Variants in CDH4 observed in about 807,000 individuals in gnomAD.
CDH4 encodes the protein cadherin-4.
In CDH4, 33 loss-of-function variants were observed where a neutral mutation model predicts 86.0. The observed-to-expected ratio is 0.38, with a 90% CI of 0.29 to 0.51. The LOEUF (loss-of-function observed/expected upper bound fraction) is 0.51. Among genes scored for constraint, CDH4 ranks in the 20% least tolerant of loss-of-function variants. CDH4 has a pLI of 0.86. For synonymous variants in CDH4, 555 were observed against 549.4 expected (o/e 1.01, Z -0.14); for missense variants, 1,114 against 1,307.4 (o/e 0.85, Z 2.28).
At chr20:61,396,009 T>G (rs1230699213) in intron 2 of CDH4, among the ~76,000 whole-genome samples, 1 of 152,172 alleles carries the variant, frequency 6.6e-6, no homozygotes, top group Non-Finnish European at 1.5e-5. Flanking sequence ...ACAGATAGCT[T>G]GGATTAGGAC....
At position 61,632,269 on chromosome 20, in the gene CDH4, CAG is replaced by C. The variant is rs537616459; in HGVS notation, c.170-111292_170-111291del. ...GGGATGGGGCTTGTTTGCTTGAAAACAGAAATTCAGTTGGAGGCCTTGCCCTG... is the reference window on the plus strand; with the variant it reads ...GGGATGGGGCTTGTTTGCTTGAAAACAAATTCAGTTGGAGGCCTTGCCCTG... On this transcript the variant is annotated intron_variant, in intron 2 of 15. Coordinates refer to ENST00000614565, the MANE Select transcript of CDH4 (RefSeq NM_001794.5). Among the ~76,000 whole-genome samples, 259 of 152,282 alleles carry C rather than the reference CAG, an allele frequency of 1.7e-3. 1 individual carries two copies. Among genetic ancestry groups the C allele is most frequent in the African/African-American group, 6.0e-3 (249 of 41,536 alleles).
At chr20:61,452,553 T>C (rs958155435) in intron 2 of CDH4, among the ~76,000 whole-genome samples, 4 of 152,226 alleles carry the variant, frequency 2.6e-5, no homozygotes, top group African/African-American at 9.6e-5. Flanking sequence ...ATTTCAAAGG[T>C]AGAGATGGTT....
At chr20:61,505,738 T>C (rs2085735792) in intron 2 of CDH4, among the ~76,000 whole-genome samples, 1 of 151,346 alleles carries the variant, frequency 6.6e-6, no homozygotes, top group African/African-American at 2.4e-5. Context: ...GAAAAAAGAA[T>C]TGGCACATGA....
intron 2 of CDH4, among the ~76,000 whole-genome samples, chr20:61,522,117 G>A (rs1050751375): frequency 2.0e-5 from 3 of 152,218 alleles, no homozygotes; most frequent in Non-Finnish European, 4.4e-5. Context: ...GGCCTCCCTC[G>A]TGACAGTGGC....
At chr20:61,766,839 T>C (rs1286748782) in intron 3 of CDH4, among the ~76,000 whole-genome samples, 5 of 152,328 alleles carry the variant, frequency 3.3e-5, no homozygotes, top group African/African-American at 9.6e-5. Flanking sequence ...CTGACCGAGA[T>C]ATAATACCCA....
rs1322628640 is a variant in CDH4, at chr20:61,676,078, G to A, written c.170-67485G>A. Among the ~76,000 whole-genome samples, 1 of 152,190 alleles carries A rather than the reference G, an allele frequency of 6.6e-6. No homozygotes were observed. On this transcript the variant is annotated intron_variant, in intron 2 of 15. Coordinates refer to ENST00000614565, the MANE Select transcript of CDH4 (RefSeq NM_001794.5). This position sits in a 1 kb window ranked among gnomAD's most constrained non-coding sequence, Gnocchi z 4.5. ...ATAATGTAATTGGGCAGTCGGTGGGGGGAGCCTCAGCGAGGACCGAGTGTG... is the reference window on the plus strand; with the variant it reads ...ATAATGTAATTGGGCAGTCGGTGGGAGGAGCCTCAGCGAGGACCGAGTGTG...
chr20:61,803,914 C>T (rs1183067637), intron 4 of CDH4, among the ~76,000 whole-genome samples: 3 of 152,252 alleles, frequency 2.0e-5, no homozygotes, highest in Non-Finnish European at 2.9e-5. Context: ...GCCCCCGCTG[C>T]GTCTGCTTCC....
At chr20:61,757,905 G>A (rs1031159787) in intron 3 of CDH4, among the ~76,000 whole-genome samples, 3 of 152,176 alleles carry the variant, frequency 2.0e-5, no homozygotes, top group African/African-American at 7.2e-5. Flanking sequence ...CCATGGGCTG[G>A]GAAGATCTGG....
intron 2 of CDH4, among the ~76,000 whole-genome samples, chr20:61,431,868 A>G (rs984287931): frequency 1.3e-5 from 2 of 151,968 alleles, no homozygotes; most frequent in African/African-American, 4.8e-5. Context: ...CATCTTCTGC[A>G]GTTTTATGTA....
chr20:61,652,761 C>A, intron 2 of CDH4, among the ~76,000 whole-genome samples: 1 of 146,144 alleles, frequency 6.8e-6, no homozygotes, highest in Non-Finnish European at 1.5e-5. Flanking sequence ...AAGGGTTATA[C>A]TTAGGAATTA....
At chr20:61,864,625 C>T (rs780034994) in intron 6 of CDH4, among the ~76,000 whole-genome samples, 4 of 152,214 alleles carry the variant, frequency 2.6e-5, no homozygotes, top group Non-Finnish European at 5.9e-5. Context: ...GGCACCGCAG[C>T]TCCCTCTCCA....
intron 2 of CDH4, among the ~76,000 whole-genome samples, chr20:61,589,834 AAAAAAG>A (rs1246492122): frequency 1.1e-4 from 17 of 152,010 alleles, no homozygotes; most frequent in African/African-American, 4.1e-4. Flanking sequence ...TTAAAAAAAA[AAAAAAG>A]AAAGACAAGG....
Position 61,517,141 on chromosome 20 carries a change from C to T in CDH4, c.170-226422C>T, listed in dbSNP as rs185798479. Among the ~76,000 whole-genome samples the T allele has an allele frequency of 6.6e-6, 1 of 152,318 alleles. No homozygotes were observed. Among genetic ancestry groups the T allele is most frequent in the East Asian group, 1.9e-4 (1 of 5,180 alleles). Reference sequence around the variant, plus strand: ...CCCTTCACCAAAGGGTAACCAGATTCCTGTATTCCAACTTTCTAGATGTTG... The same window carrying T: ...CCCTTCACCAAAGGGTAACCAGATTTCTGTATTCCAACTTTCTAGATGTTG... On this transcript the variant is annotated intron_variant, in intron 2 of 15. Transcript: ENST00000614565. This position sits in a 1 kb window ranked among gnomAD's most constrained non-coding sequence, Gnocchi z 6.6.
At position 61,703,454 on chromosome 20, in the gene CDH4, C is replaced by A. The variant is rs902374487; in HGVS notation, c.170-40109C>A. Among the ~76,000 whole-genome samples, 3 of 152,138 alleles carry A rather than the reference C, an allele frequency of 2.0e-5. No individual in the cohort carries two copies. Among genetic ancestry groups the A allele is most frequent in the African/African-American group, 7.2e-5 (3 of 41,426 alleles). ...GACAGTGTGGCTGGGATATGGGCGG[C>A]CTTGCATTTGCAGAGTATTTAACCT... On this transcript the variant is annotated intron_variant, in intron 2 of 15. Coordinates refer to ENST00000614565, the MANE Select transcript of CDH4 (RefSeq NM_001794.5). This position sits in a 1 kb window ranked among gnomAD's most constrained non-coding sequence, Gnocchi z 4.3.
At chr20:61,872,027 C>T (rs748425443) in intron 6 of CDH4, among the ~76,000 whole-genome samples, 6 of 150,228 alleles carry the variant, frequency 4.0e-5, no homozygotes, top group Non-Finnish European at 5.9e-5. Context: ...AGAGGGAGGG[C>T]GAGGTGGGGG....
At chr20:61,600,714 A>T (rs949952970) in intron 2 of CDH4, among the ~76,000 whole-genome samples, 1 of 152,232 alleles carries the variant, frequency 6.6e-6, no homozygotes, top group African/African-American at 2.4e-5. Context: ...CAAGTAACCT[A>T]CACACATCCT....
intron 2 of CDH4, among the ~76,000 whole-genome samples, chr20:61,604,204 G>A (rs1350265630): frequency 6.6e-6 from 1 of 152,220 alleles, no homozygotes; most frequent in Non-Finnish European, 1.5e-5. Context: ...TTAGGCCCTG[G>A]AGGAAGAATC....
intron 2 of CDH4, among the ~76,000 whole-genome samples, chr20:61,435,193 C>T (rs2085273789): frequency 6.6e-6 from 1 of 152,216 alleles, no homozygotes; most frequent in Non-Finnish European, 1.5e-5. Context: ...TCCGTAGTAA[C>T]AGGGACTGAC....
intron 5 of CDH4, among the ~76,000 whole-genome samples, chr20:61,845,560 G>A (rs1274747033): frequency 6.6e-6 from 1 of 152,236 alleles, no homozygotes; most frequent in Admixed American, 6.5e-5. Context: ...CTCGCCAGCA[G>A]CGCAGAACAG....
Sources: allele counts gnomAD v4.1 joint callset (sites outside exome capture counted in the v4.1 genomes callset), GRCh38; gene constraint gnomAD v4.1.1; non-coding constraint Gnocchi (gnomAD v3.1); transcripts MANE v1.5; gene names NCBI Gene and HGNC (gene_info 2026-07-23, HGNC 2026-07-21).